Variants in HRK observed in about 807,000 individuals in gnomAD.
HRK encodes harakiri, BCL2 interacting protein.
In HRK, 6 loss-of-function variants were observed where a neutral mutation model predicts 5.9. That is an observed-to-expected ratio of 1.02 (90% CI 0.56 to 2.01). The LOEUF (loss-of-function observed/expected upper bound fraction) is 2.01, where lower values mean the gene tolerates loss of function less well. HRK is among the 30% of genes most tolerant of loss of function. HRK has a pLI of 0.00. For synonymous variants in HRK, 85 were observed against 65.1 expected, an observed-to-expected ratio of 1.31 and a Z score of -1.47; for missense variants, 133 against 128.3, an observed-to-expected ratio of 1.04 and a Z score of -0.18.
intron 1 of HRK, among the ~76,000 whole-genome samples, chr12:116,873,204 T>C (rs1441239876): frequency 1.3e-5 from 2 of 152,226 alleles, no homozygotes; most frequent in African/African-American, 4.8e-5. Context: ...GGCACAATCA[T>C]AGCTCACTGC....
At position 116,862,708 on chromosome 12, in the gene HRK, T is replaced by TTTTGTTTGTTTG. The variant is rs141619738; in HGVS notation, c.*57-1254_*57-1243dup. ...TTGTACACCTTAAAAAGGTAGGGTT[T>TTTTGTTTGTTTG]TTTGTTTGTTTGTTTGTTTGTTTGT... On this transcript the variant is annotated intron_variant, in intron 1 of 1. Transcript: ENST00000257572. The surrounding 1 kb of genome is among the most constrained non-coding windows in gnomAD (Gnocchi z 4.0). 6.6e-6 allele frequency among the ~76,000 whole-genome samples: 1 copy of TTTTGTTTGTTTG among 150,790 alleles called. No individual in the cohort carries two copies. Among genetic ancestry groups the TTTTGTTTGTTTG allele is most frequent in the South Asian group, 2.1e-4 (1 of 4,706 alleles).
At position 116,879,792 on chromosome 12, in the gene HRK, C is replaced by T. The variant is rs1460487077; in HGVS notation, c.*56+1184G>A. Reference sequence around the variant, plus strand: ...CCCGCGGGCGCAGACGCTCGGGCCTCGCCTTCAGGCGCCGCTCCAACTTCC... The same window carrying T: ...CCCGCGGGCGCAGACGCTCGGGCCTTGCCTTCAGGCGCCGCTCCAACTTCC... On this transcript the variant is annotated intron_variant, in intron 1 of 1. Coordinates refer to ENST00000257572, the MANE Select transcript of HRK (RefSeq NM_003806.4). This position sits in a 1 kb window ranked among gnomAD's most constrained non-coding sequence, Gnocchi z 5.6. Among the ~76,000 whole-genome samples the T allele has an allele frequency of 6.6e-6, 1 of 152,210 alleles. No individual in the cohort carries two copies. The highest frequency in any genetic ancestry group is 2.4e-5 in the African/African-American group (1 of 41,470).
At chr12:116,876,167 T>C (rs1168011883) in intron 1 of HRK, among the ~76,000 whole-genome samples, 1 of 152,198 alleles carries the variant, frequency 6.6e-6, no homozygotes, top group Non-Finnish European at 1.5e-5. Context: ...TACTCTGGCC[T>C]CTCACTATGC....
rs937333319 is a variant in HRK at position 116,861,424 on chromosome 12, A to C, written c.*99T>G. On this transcript the variant is annotated 3_prime_UTR_variant, in exon 2 of 2. Transcript: ENST00000257572. ...CAAGCTCTGGGCTCCCCCTCTGGAA[A>C]ACGGGAACCAGCTTTCTCCAAGGAC... is the stretch of plus-strand genomic sequence containing the variant. 6.6e-6 allele frequency: 1 copy of C among 152,160 alleles called. No homozygotes were observed. The highest frequency in any genetic ancestry group is 2.4e-5 in the African/African-American group (1 of 41,390). 9.4% of individuals were successfully genotyped at this position (152,160 alleles called of 1,614,324 possible).
chr12:116,861,763 G>A (rs1458440071), intron 1 of HRK, among the ~76,000 whole-genome samples: 1 of 152,224 alleles, frequency 6.6e-6, no homozygotes, highest in Non-Finnish European at 1.5e-5. Context: ...CATCTTCAGA[G>A]ATGTTTTTAA....
intron 1 of HRK, among the ~76,000 whole-genome samples, chr12:116,871,284 C>A (rs1878740059): frequency 1.3e-5 from 2 of 150,366 alleles, no homozygotes; most frequent in South Asian, 4.2e-4. Context: ...GTTTTGATAT[C>A]AAAGTTACAT....
In HRK at chr12:116,881,151, G is replaced by C. The variant is rs1427326398; in HGVS notation, c.157C>G (p.Arg53Gly). Residue 53 changes from arginine (R) to glycine (G), a missense_variant, in exon 1 of 2, where the codon CGC (arginine) becomes GGC (glycine). Physicochemically the swap from Arg to Gly is moderately radical, Grantham distance 125. Transcript: ENST00000257572. ...ELHQRTMWRR[R>G]ARSRRAPAPG... Reference sequence around the variant, plus strand: ...GCCGGCGCCCTCCGGCTCCGCGCGCGGCGCCGCCACATGGTGCGCTGGTGC... The same window carrying C: ...GCCGGCGCCCTCCGGCTCCGCGCGCCGCGCCGCCACATGGTGCGCTGGTGC... 7.6e-6 allele frequency: 9 copies of C among 1,184,422 alleles called. No individual in the cohort carries two copies. The highest frequency in any genetic ancestry group is 3.4e-4 in the Middle Eastern group (1 of 2,942). 73.4% of individuals were successfully genotyped at this position (1,184,422 alleles called of 1,614,324 possible).
At chr12:116,871,587 A>G (rs1222513412) in intron 1 of HRK, among the ~76,000 whole-genome samples, 1 of 147,140 alleles carries the variant, frequency 6.8e-6, no homozygotes, top group East Asian at 2.0e-4. Context: ...TATAGGTGTG[A>G]GCCACCGTGC....
At chr12:116,863,940 A>C (rs1593004285) in intron 1 of HRK, among the ~76,000 whole-genome samples, 1 of 152,026 alleles carries the variant, frequency 6.6e-6, no homozygotes, top group East Asian at 1.9e-4. Context: ...GGCCTCAAGC[A>C]ATCGTCCCGC....
rs1555213195 is a variant in HRK at position 116,881,252 on chromosome 12, C to G, written c.56G>C (p.Ser19Thr). 9.1e-7 allele frequency: 1 copy of G among 1,095,234 alleles called. No individual in the cohort carries two copies. The highest frequency in any genetic ancestry group is 1.1e-6 in the Non-Finnish European group (1 of 902,620). 67.8% of individuals were successfully genotyped at this position (1,095,234 alleles called of 1,614,324 possible). Residue 19 changes from serine (S) to threonine (T), a missense_variant, in exon 1 of 2, where the codon AGC becomes ACC. Transcript: ENST00000257572. ...GRGPPAVCAC[S>T]AGRLGLRSSA... ...CGAGCGCAGCCCCAGGCGACCCGCG[C>G]TGCAGGCGCACACGGCCGGGGGGCC...
At chr12:116,868,438 GGTTC>G (rs138269636) in intron 1 of HRK, among the ~76,000 whole-genome samples, 1,781 of 152,244 alleles carry the variant, frequency 0.012, 17 homozygotes, top group Middle Eastern at 0.041. Context: ...CTGGGCCCCA[GGTTC>G]TCCATCTGTA....
chr12:116,864,355 C>T (rs1001917182), intron 1 of HRK, among the ~76,000 whole-genome samples: 5 of 152,162 alleles, frequency 3.3e-5, no homozygotes, highest in Admixed American at 3.3e-4. Context: ...CCAGATAAGG[C>T]CAGGTGCCTG....
Position 116,856,718 on chromosome 12 carries a change from G to A in HRK, c.*4805C>T, listed in dbSNP as rs1878163752. The A allele has an allele frequency of 6.6e-6, 1 of 152,256 alleles. No individual in the cohort carries two copies. The highest frequency in any genetic ancestry group is 6.5e-5 in the Admixed American group (1 of 15,288). The allele number at this position is 152,256 out of a possible 1,614,324, so 9.4% of individuals were successfully genotyped here. The stretch of plus-strand genomic sequence containing the variant: ...TGGGACGACCTCATGAAGGGACCCA[G>A]TGGAGCAGAGCAGTCAGCTCACGAG... On this transcript the variant is annotated 3_prime_UTR_variant, in exon 2 of 2. Transcript: ENST00000257572. This position sits in a 1 kb window ranked among gnomAD's most constrained non-coding sequence, Gnocchi z 4.4.
At chr12:116,880,946 GC>G in intron 1 of HRK, 29 bp downstream of exon 1, 1 of 1,061,190 alleles carries the variant, frequency 9.4e-7, no homozygotes, top group Non-Finnish European at 1.2e-6. Context: ...CAGCTGCCGC[GC>G]CCCGGCTCTC....
chr12:116,873,391 A>G (rs550707497), intron 1 of HRK, among the ~76,000 whole-genome samples: 233 of 152,310 alleles, frequency 1.5e-3, no homozygotes, highest in Non-Finnish European at 1.2e-3. Context: ...TTTTTCTGAG[A>G]CAGGGTCTCA....
At chr12:116,867,712 T>A (rs1477385795) in intron 1 of HRK, 1 of 152,188 alleles carries the variant, frequency 6.6e-6, no homozygotes, top group Non-Finnish European at 1.5e-5. Flanking sequence ...TCCTGGTTCA[T>A]CCAAGCAACA....
At chr12:116,870,375 G>C (rs1422558997) in intron 1 of HRK, among the ~76,000 whole-genome samples, 1 of 152,164 alleles carries the variant, frequency 6.6e-6, no homozygotes, top group Non-Finnish European at 1.5e-5. Context: ...CCCTGAAGTG[G>C]GGAGAGGCAC....
Position 116,856,828 on chromosome 12 carries a change from T to G in HRK, c.*4695A>C, listed in dbSNP as rs908043062. On this transcript the variant is annotated 3_prime_UTR_variant, in exon 2 of 2. Transcript: ENST00000257572. This position sits in a 1 kb window ranked among gnomAD's most constrained non-coding sequence, Gnocchi z 4.4. ...GCCTTCAGCTAAGTTGCTTAACCTC[T>G]CTGAGCCTCAGCTTCCTCCACTGTA... 6.6e-6 allele frequency: 1 copy of G among 152,268 alleles called. No homozygotes were observed. The highest frequency in any genetic ancestry group is 1.5e-5 in the Non-Finnish European group (1 of 68,086). The allele number at this position is 152,268 out of a possible 1,614,324, so 9.4% of individuals were successfully genotyped here.
At chr12:116,876,452 T>C (rs749829891) in intron 1 of HRK, among the ~76,000 whole-genome samples, 2 of 152,206 alleles carry the variant, frequency 1.3e-5, no homozygotes, top group Non-Finnish European at 2.9e-5. Flanking sequence ...CAGGCTGTCA[T>C]TAATTCATTA....
Sources: gnomAD v4.1 joint callset for allele counts (sites outside exome capture counted in the v4.1 genomes callset) on GRCh38, gnomAD v4.1.1 for gene constraint, Gnocchi (gnomAD v3.1) non-coding constraint, MANE v1.5 for transcripts, NCBI Gene and HGNC (gene_info 2026-07-23, HGNC 2026-07-21) for gene names.